Variants in TNFAIP2 observed in about 807,000 individuals in gnomAD.
The protein encoded by TNFAIP2 is TNF alpha induced protein 2.
A neutral mutation model predicts 63.5 loss-of-function variants in TNFAIP2; 47 were observed. The observed-to-expected ratio is 0.74, with a 90% CI of 0.59 to 0.94. TNFAIP2 has a LOEUF of 0.94. Ranked by LOEUF, TNFAIP2 falls within the 40% of genes least tolerant of loss-of-function variation. TNFAIP2 has a pLI of 0.00. For synonymous variants in TNFAIP2, 405 were observed against 390.2 expected (o/e 1.04, Z -0.45); for missense variants, 787 against 850.2 (o/e 0.93, Z 0.92).
chr14:103,127,050 C>T lies in TNFAIP2; in HGVS notation c.281C>T (p.Ala94Val), dbSNP rs1375771727. Reference protein sequence around the residue: ...AALERGQLEAARPLLALEREL... With the variant: ...AALERGQLEAVRPLLALEREL... ...CTGGAGCGCGGGCAGCTGGAGGCGG[C>T]GCGGCCGCTGCTGGCGCTGGAGCGG... Residue 94 changes from alanine to valine, a missense_variant, in exon 3 of 12, where the codon GCG (alanine) becomes GTG (valine). Physicochemically the swap from Ala to Val is moderately conservative, Grantham distance 64. This residue lies in a region of TNFAIP2 where 258 missense variants were observed against 228.9 expected (regional missense o/e 1.13). Transcript: ENST00000560869. This position sits in a 1 kb window ranked among gnomAD's most constrained non-coding sequence, Gnocchi z 5.1. 3.4e-5 allele frequency: 39 copies of T among 1,148,198 alleles called. 1 individual carries two copies. Among genetic ancestry groups the T allele is most frequent in the Non-Finnish European group, 4.0e-5 (37 of 934,064 alleles). 71.1% of individuals were successfully genotyped at this position (1,148,198 alleles called of 1,614,324 possible). A position where few individuals can be genotyped will look rare whatever the true frequency, so the allele number is the denominator to read the frequency against.
rs774881916 is a variant in TNFAIP2 at position 103,130,112 on chromosome 14, C to T, written c.1086C>T (p.Ile362=). The change falls in exon 5 of 12, where the codon ATC becomes ATT. Residue 362 remains isoleucine (I), a synonymous_variant. Transcript: ENST00000560869. ...LDGHCHSELA[I]DIIQITSQAQ... is the part of the protein sequence containing the mutation. ...GCCACTGCCACAGCGAGCTGGCCATCGACATCATCCAGGTACTGCAATCTG... is the reference window on the plus strand; with the variant it reads ...GCCACTGCCACAGCGAGCTGGCCATTGACATCATCCAGGTACTGCAATCTG... 5.0e-6 allele frequency: 8 copies of T among 1,612,960 alleles called. No individual in the cohort carries two copies. The highest frequency in any genetic ancestry group is 1.7e-4 in the Middle Eastern group (1 of 6,056).
upstream of TNFAIP2, chr14:103,122,643 G>T: frequency 2.2e-6 from 1 of 455,996 alleles, no homozygotes; most frequent in Non-Finnish European, 4.4e-6. Context: ...GACAGGCCTG[G>T]AAACGGAGGC....
Position 103,127,442 on chromosome 14 carries a change from A to G in TNFAIP2, c.673A>G (p.Lys225Glu), listed in dbSNP as rs772893702. 2 of 1,587,488 alleles carry G rather than the reference A, an allele frequency of 1.3e-6. No individual in the cohort carries two copies. Among genetic ancestry groups the G allele is most frequent in the East Asian group, 2.3e-5 (1 of 44,320 alleles). ...CTTTCTGCACTTGGGCCGCACCATG[A>G]AGGAGGACCTGGAGGCCGTGGTGGA... Reference protein sequence around the residue: ...SVFLHLGRTMKEDLEAVVERL... With the variant: ...SVFLHLGRTMEEDLEAVVERL... Residue 225 changes from lysine to glutamate, a missense_variant, in exon 3 of 12, where the codon AAG becomes GAG. Coordinates refer to ENST00000560869, the MANE Select transcript of TNFAIP2 (RefSeq NM_006291.4). The surrounding 1 kb of genome is among the most constrained non-coding windows in gnomAD (Gnocchi z 5.1).
At chr14:103,125,399 T>C (rs1300136492) in intron 1 of TNFAIP2, among the ~76,000 whole-genome samples, 2 of 152,292 alleles carry the variant, frequency 1.3e-5, no homozygotes, top group East Asian at 3.9e-4. Context: ...AGGGGAAAGC[T>C]GGGCTCTGGG....
At position 103,127,023 on chromosome 14, in the gene TNFAIP2, C is replaced by A; in HGVS notation, c.254C>A (p.Ala85Glu). ...PPPTVEELKA[A>E]LERGQLEAAR... ...GGCGCAGTGGAGGAGCTGAAGGCGG[C>A]GCTGGAGCGCGGGCAGCTGGAGGCG... The change falls in exon 3 of 12, where the codon GCG becomes GAG. Residue 85 changes from alanine (A) to glutamate (E), a missense_variant. By Grantham distance (107) the Ala-to-Glu change is moderately radical. Transcript: ENST00000560869. This position sits in a 1 kb window ranked among gnomAD's most constrained non-coding sequence, Gnocchi z 5.1. The A allele has an allele frequency of 1.7e-6, 2 of 1,179,314 alleles. No individual in the cohort carries two copies. Among genetic ancestry groups the A allele is most frequent in the Non-Finnish European group, 2.1e-6 (2 of 952,022 alleles). 73.1% of individuals were successfully genotyped at this position (1,179,314 alleles called of 1,614,324 possible).
At chr14:103,130,159 C>A (rs780017945) in intron 5 of TNFAIP2, 35 bp downstream of exon 5, 38 of 1,597,446 alleles carry the variant, frequency 2.4e-5, no homozygotes, top group Non-Finnish European at 3.2e-5. Flanking sequence ...ACGTACCGCC[C>A]GTGCACGTGC....
In TNFAIP2 at chr14:103,136,332, C is replaced by A. The variant is rs1440043585; in HGVS notation, c.*972C>A. Reference sequence around the variant, plus strand: ...CAGAAGGCTGACCCGGGGCTCAAATCTGGGTGTCGGCAGTCCTGCACTCCT... The same window carrying A: ...CAGAAGGCTGACCCGGGGCTCAAATATGGGTGTCGGCAGTCCTGCACTCCT... On this transcript the variant is annotated 3_prime_UTR_variant, in exon 12 of 12. Coordinates refer to ENST00000560869, the MANE Select transcript of TNFAIP2 (RefSeq NM_006291.4). 5.6e-6 allele frequency: 1 copy of A among 179,356 alleles called. No homozygotes were observed. The highest frequency in any genetic ancestry group is 2.4e-5 in the African/African-American group (1 of 41,990). 11.1% of individuals were successfully genotyped at this position (179,356 alleles called of 1,614,324 possible). A position where few individuals can be genotyped will look rare whatever the true frequency, so the allele number is the denominator to read the frequency against.
Position 103,135,315 on chromosome 14 carries a change from G to A in TNFAIP2, c.1920G>A (p.Ala640=), listed in dbSNP as rs8176399. The A allele has an allele frequency of 1.2e-3, 1,959 of 1,613,640 alleles. 20 individuals are homozygous for A. The African/African-American group carries it at 0.024, about 20-fold the overall frequency. ...IRSILDVSMG[A]QEPSRPLFSL... ...GCATCTTGGACGTCAGCATGGGGGC[G>A]CAGGAGCCCTCCCGGCCCCTATTTT... The change falls in exon 12 of 12, where the codon GCG becomes GCA. Residue 640 remains alanine, a synonymous_variant. Coordinates refer to ENST00000560869, the MANE Select transcript of TNFAIP2 (RefSeq NM_006291.4). The surrounding 1 kb of genome is among the most constrained non-coding windows in gnomAD (Gnocchi z 7.6).
Position 103,135,682 on chromosome 14 carries a change from C to T in TNFAIP2, c.*322C>T. The stretch of plus-strand genomic sequence containing the variant: ...GAGAGTGCAGCCAGGCTCAGGGATC[C>T]CCGGACACCTCTGTCCAGAGCCCCT... On this transcript the variant is annotated 3_prime_UTR_variant, in exon 12 of 12. Transcript: ENST00000560869. The surrounding 1 kb of genome is among the most constrained non-coding windows in gnomAD (Gnocchi z 7.6). 1.6e-6 allele frequency: 2 copies of T among 1,251,450 alleles called. No individual in the cohort carries two copies. The highest frequency in any genetic ancestry group is 2.0e-6 in the Non-Finnish European group (2 of 983,010). The allele number at this position is 1,251,450 out of a possible 1,614,324, so 77.5% of individuals were successfully genotyped here. A position where few individuals can be genotyped will look rare whatever the true frequency, so the allele number is the denominator to read the frequency against.
chr14:103,123,058 G>A (rs1296671922), upstream of TNFAIP2: 1 of 249,100 alleles, frequency 4.0e-6, no homozygotes, highest in East Asian at 1.1e-4. Context: ...TGGGGAGTTG[G>A]GGTGGGACGG....
chr14:103,131,983 AGAGGGGCCGCCTGGGGCTGG>A lies in TNFAIP2; in HGVS notation c.1422+287_1422+306del, dbSNP rs56373278. On this transcript the variant is annotated intron_variant, in intron 8 of 11. Transcript: ENST00000560869. This position sits in a 1 kb window ranked among gnomAD's most constrained non-coding sequence, Gnocchi z 4.0. ...CGATCATGTCCTGGGGTTTCACCTG[AGAGGGGCCGCCTGGGGCTGG>A]GAGGGGCCGCCTGGGGCTGGGAGGG... Among the ~76,000 whole-genome samples the A allele has an allele frequency of 0.042, 6,210 of 146,152 alleles. 279 individuals carry two copies. Among genetic ancestry groups the A allele is most frequent in the Admixed American group, 0.13 (1,859 of 14,464 alleles).
intron 2 of TNFAIP2, 35 bp downstream of exon 2, chr14:103,126,727 G>T: frequency 1.3e-6 from 2 of 1,548,094 alleles, no homozygotes; most frequent in Middle Eastern, 1.8e-4. Context: ...CTAGTCTGGG[G>T]CCTGGACGGG....
In TNFAIP2 at chr14:103,126,689, A is replaced by C; in HGVS notation, c.232A>C (p.Thr78Pro). The C allele has an allele frequency of 6.4e-7, 1 of 1,558,472 alleles. No individual in the cohort carries two copies. ...SRQGLDGPPP[T>P]VEELKAALER... The stretch of plus-strand genomic sequence containing the variant: ...GCAGGGGCTGGATGGCCCGCCCCCC[A>C]CAGGTGCTCTAGGACCCTGGGTTAG... The change falls in exon 2 of 12, where the codon ACA becomes CCA. Residue 78 changes from threonine to proline, a missense_variant. Physicochemically the swap from Thr to Pro is conservative, Grantham distance 38. Around this residue, in one of 3 missense-constraint regions of TNFAIP2, gnomAD observed 258 missense variants for 228.9 expected, o/e 1.13. Coordinates refer to ENST00000560869, the MANE Select transcript of TNFAIP2 (RefSeq NM_006291.4).
In TNFAIP2 at chr14:103,133,745, G is replaced by A; in HGVS notation, c.1765G>A (p.Asp589Asn). The A allele has an allele frequency of 1.3e-6, 2 of 1,597,060 alleles. No homozygotes were observed. Among genetic ancestry groups the A allele is most frequent in the Non-Finnish European group, 1.7e-6 (2 of 1,176,814 alleles). ...PTLAEIIRLQ[D>N]PSAIKIEVAT... is the part of the protein sequence containing the mutation. ...GCTGGCCGAGATCATTCGCCTGCAGGACCCCAGTGCCATCAAGATTGAGGT... is the reference window on the plus strand; with the variant it reads ...GCTGGCCGAGATCATTCGCCTGCAGAACCCCAGTGCCATCAAGATTGAGGT... Residue 589 changes from aspartate to asparagine, a missense_variant, in exon 11 of 12, where the codon GAC (aspartate) becomes AAC (asparagine). Physicochemically the swap from Asp to Asn is conservative, Grantham distance 23 (BLOSUM62 1). This residue lies in a region of TNFAIP2 where 523 missense variants were observed against 604.1 expected (regional missense o/e 0.87). Transcript: ENST00000560869.
intron 11 of TNFAIP2, among the ~76,000 whole-genome samples, 194 bp downstream of exon 11, chr14:103,133,997 G>C (rs554275333): frequency 6.6e-6 from 1 of 152,250 alleles, no homozygotes; most frequent in Non-Finnish European, 1.5e-5. Context: ...TCACAGAGGA[G>C]GCCTGGAGAG....
Position 103,127,015 on chromosome 14 carries a change from GA to G in TNFAIP2, c.248del (p.Lys83ArgfsTer31), listed in dbSNP as rs1165838178. ...GCTTTCCCGGCGCAGTGGAGGAGCT[GA>G]AGGCGGCGCTGGAGCGCGGGCAGCT... is the stretch of plus-strand genomic sequence containing the variant. ...DGPPPTVEEL[K>X]AALERGQLEA... On this transcript the variant is annotated frameshift_variant, in exon 3 of 12. Transcript: ENST00000560869. LOFTEE classifies it high-confidence loss of function. This position sits in a 1 kb window ranked among gnomAD's most constrained non-coding sequence, Gnocchi z 5.1. The G allele has an allele frequency of 2.5e-6, 3 of 1,193,904 alleles. No individual in the cohort carries two copies. The highest frequency in any genetic ancestry group is 5.3e-5 in the South Asian group (2 of 38,010). The allele number at this position is 1,193,904 out of a possible 1,614,324, so 74.0% of individuals were successfully genotyped here.
intron 8 of TNFAIP2, among the ~76,000 whole-genome samples, chr14:103,132,025 AGGGGCCGCCTGGGGC>A (rs2087987395): frequency 1.0e-4 from 1 of 9,892 alleles, no homozygotes; most frequent in African/African-American, 5.9e-4. Context: ...TGGGGCTGGG[AGGGGCCGCCTGGGGC>A]TGGGAGGGGC....
In TNFAIP2 at chr14:103,135,109, G is replaced by A. The variant is rs553894471; in HGVS notation, c.1824-110G>A. ...AGGGAGAGTGAAGTGCAGCCCCCTC[G>A]TGGGCCGGGCGTTGGCTGTCGGGCC... On this transcript the variant is annotated intron_variant, in intron 11 of 11. Coordinates refer to ENST00000560869, the MANE Select transcript of TNFAIP2 (RefSeq NM_006291.4). This position sits in a 1 kb window ranked among gnomAD's most constrained non-coding sequence, Gnocchi z 7.6. 9.3e-6 allele frequency: 13 copies of A among 1,392,262 alleles called. No individual in the cohort carries two copies. The highest frequency in any genetic ancestry group is 3.6e-5 in the South Asian group (3 of 84,314). 86.2% of individuals were successfully genotyped at this position (1,392,262 alleles called of 1,614,324 possible).
chr14:103,122,290 C>T (rs1891136852), upstream of TNFAIP2, among the ~76,000 whole-genome samples: 1 of 152,192 alleles, frequency 6.6e-6, no homozygotes, highest in South Asian at 2.1e-4. Context: ...TCCCAGGGCA[C>T]CTGAACCCAC....
Sources: gnomAD v4.1 joint callset for allele counts (sites outside exome capture counted in the v4.1 genomes callset) on GRCh38, gnomAD v4.1.1 for gene constraint, gnomAD v4.1.1 regional missense constraint, Gnocchi (gnomAD v3.1) non-coding constraint, MANE v1.5 for transcripts, NCBI Gene and HGNC (gene_info 2026-07-23, HGNC 2026-07-21) for gene names.